Variants in RBFOX1 observed in about 807,000 individuals in gnomAD.
RBFOX1 encodes RNA binding fox-1 homolog 1.
RBFOX1 carries 8 observed loss-of-function variants against 57.7 expected under a neutral mutation model. The ratio of observed to expected loss-of-function variants is 0.14; its 90% CI spans 0.08 to 0.25. RBFOX1 has a LOEUF of 0.25. RBFOX1 is among the 10% of genes least tolerant of loss of function. The pLI is 1.00. For missense variants in RBFOX1, 611 were observed against 548.5 expected, an observed-to-expected ratio of 1.11 and a Z score of -1.14; for synonymous variants, 326 against 222.4, an observed-to-expected ratio of 1.47 and a Z score of -4.15.
At chr16:7,562,813 G>A (rs2090722312) in intron 5 of RBFOX1, among the ~76,000 whole-genome samples, 1 of 152,180 alleles carries the variant, frequency 6.6e-6, no homozygotes, top group Non-Finnish European at 1.5e-5. Flanking sequence ...GGAGCCAACA[G>A]GCAAGAAACA....
At chr16:6,000,014 A>G (rs1043958362) in intron 4 of RBFOX1, among the ~76,000 whole-genome samples, 5 of 151,462 alleles carry the variant, frequency 3.3e-5, no homozygotes, top group Non-Finnish European at 5.9e-5. Flanking sequence ...TTGCTCCATT[A>G]TAGGGGATGT....
intron 3 of RBFOX1, among the ~76,000 whole-genome samples, chr16:5,865,334 C>T (rs990691973): frequency 1.3e-5 from 2 of 152,150 alleles, no homozygotes; most frequent in African/African-American, 4.8e-5. Flanking sequence ...TTTCCCAGTC[C>T]TGAACGGGCG....
At chr16:6,837,016 C>G (rs191707019) in intron 3 of RBFOX1, among the ~76,000 whole-genome samples, 65 of 152,160 alleles carry the variant, frequency 4.3e-4, no homozygotes, top group Middle Eastern at 6.8e-3. Flanking sequence ...GATGAACACA[C>G]CTATTTACTC....
intron 4 of RBFOX1, among the ~76,000 whole-genome samples, chr16:7,240,664 C>G (rs1331312484): frequency 6.6e-6 from 1 of 152,124 alleles, no homozygotes. Flanking sequence ...AAGTGATCCT[C>G]CCATCTCAGT....
chr16:7,198,005 T>TTTTTC, intron 4 of RBFOX1, among the ~76,000 whole-genome samples: 1 of 125,480 alleles, frequency 8.0e-6, no homozygotes, highest in African/African-American at 3.1e-5. Flanking sequence ...TTTCTTTTTT[T>TTTTTC]TTTTTTTTTT....
intron 3 of RBFOX1, among the ~76,000 whole-genome samples, chr16:6,901,932 T>C (rs534213090): frequency 3.6e-4 from 55 of 152,338 alleles, no homozygotes; most frequent in Non-Finnish European, 6.9e-4. Context: ...GCAGGGATTT[T>C]TTTTCATGTC....
intron 4 of RBFOX1, among the ~76,000 whole-genome samples, chr16:6,000,177 T>C (rs1296353421): frequency 6.6e-6 from 1 of 152,144 alleles, no homozygotes; most frequent in Non-Finnish European, 1.5e-5. Flanking sequence ...CAGGATGTGT[T>C]TTCTGGCCTC....
intron 4 of RBFOX1, among the ~76,000 whole-genome samples, chr16:5,897,091 A>G (rs1414130842): frequency 7.4e-6 from 1 of 134,744 alleles, no homozygotes; most frequent in East Asian, 2.2e-4. Context: ...TGCGGACTGC[A>G]GTGGCGCAAT....
chr16:6,954,332 G>C (rs1409362889), intron 3 of RBFOX1, among the ~76,000 whole-genome samples: 1 of 152,106 alleles, frequency 6.6e-6, no homozygotes, highest in Non-Finnish European at 1.5e-5. Context: ...AAGGTCTGAG[G>C]AGTTGATTTA....
chr16:6,062,753 A>G (rs1056472102), intron 1 of RBFOX1, among the ~76,000 whole-genome samples: 3 of 151,928 alleles, frequency 2.0e-5, no homozygotes, highest in African/African-American at 7.3e-5. Flanking sequence ...CTCTTTGACT[A>G]TCACTGTGTG....
intron 2 of RBFOX1, among the ~76,000 whole-genome samples, chr16:6,541,527 TG>T (rs773926846): frequency 6.6e-6 from 1 of 152,172 alleles, no homozygotes; most frequent in Non-Finnish European, 1.5e-5. Flanking sequence ...TAGTAGTACC[TG>T]AGATAGGGCA....
At chr16:6,922,485 G>T (rs768659982) in intron 3 of RBFOX1, among the ~76,000 whole-genome samples, 1 of 152,122 alleles carries the variant, frequency 6.6e-6, no homozygotes, top group Admixed American at 6.6e-5. Context: ...TAATCTTTTA[G>T]CTCATTTTCT....
At chr16:6,829,488 A>AC (rs978154646) in intron 3 of RBFOX1, among the ~76,000 whole-genome samples, 1 of 150,590 alleles carries the variant, frequency 6.6e-6, no homozygotes, top group African/African-American at 2.5e-5. Context: ...CATTAAAAAA[A>AC]AAAAAAACAA....
chr16:5,365,701 C>T (rs892932915), intron 1 of RBFOX1: 2 of 359,310 alleles, frequency 5.6e-6, no homozygotes, highest in South Asian at 2.3e-5. Flanking sequence ...AAGAGCTTTC[C>T]CTGGTGTGAT....
intron 1 of RBFOX1, among the ~76,000 whole-genome samples, chr16:6,142,676 G>A (rs1225446635): frequency 1.3e-5 from 2 of 152,216 alleles, no homozygotes; most frequent in Non-Finnish European, 2.9e-5. Context: ...AGTGAATGAA[G>A]GAATGAGTGA....
intron 4 of RBFOX1, among the ~76,000 whole-genome samples, chr16:7,154,075 C>T (rs886584249): frequency 6.6e-6 from 1 of 152,100 alleles, no homozygotes; most frequent in Non-Finnish European, 1.5e-5. Flanking sequence ...AAATAATGGG[C>T]TAGAACTTAC....
At chr16:6,117,984 C>G (rs1381393383) in intron 1 of RBFOX1, among the ~76,000 whole-genome samples, 1 of 152,128 alleles carries the variant, frequency 6.6e-6, no homozygotes, top group East Asian at 1.9e-4. Flanking sequence ...ACATCTGTAA[C>G]TTTTGAAGTA....
intron 3 of RBFOX1, among the ~76,000 whole-genome samples, chr16:6,896,445 A>T (rs955357294): frequency 6.6e-6 from 1 of 152,052 alleles, no homozygotes. Flanking sequence ...CCTGGTAACT[A>T]TCCTTCTACT....
intron 3 of RBFOX1, among the ~76,000 whole-genome samples, chr16:6,980,858 C>G (rs777819268): frequency 4.6e-5 from 7 of 151,988 alleles, no homozygotes; most frequent in Non-Finnish European, 8.8e-5. Flanking sequence ...GTCTGGCTAA[C>G]ATGTTGAAAC....
Sources: allele counts gnomAD v4.1 joint callset (sites outside exome capture counted in the v4.1 genomes callset), GRCh38; gene constraint gnomAD v4.1.1; transcripts MANE v1.5; gene names NCBI Gene and HGNC (gene_info 2026-07-23, HGNC 2026-07-21).